The following DCP1B variants were observed in gnomAD, a reference collection of about 807,000 sequenced individuals.
DCP1B encodes the protein mRNA-decapping enzyme 1B.
In DCP1B, 47 loss-of-function variants were observed where a neutral mutation model predicts 60.5. That is an observed-to-expected ratio of 0.78 (90% confidence interval 0.61 to 0.99). DCP1B has a LOEUF of 0.99. Among genes scored for constraint, DCP1B ranks in the 50% least tolerant of loss-of-function variants. The pLI is 0.00. For synonymous variants in DCP1B, 267 were observed against 280.3 expected (o/e 0.95, Z 0.47); for missense variants, 725 against 756.8 (o/e 0.96, Z 0.49).
chr12:1,993,237 C>T (rs140441717), intron 3 of DCP1B, 27 bp downstream of exon 3: 5 of 1,613,894 alleles, frequency 3.1e-6, no homozygotes, highest in Non-Finnish European at 4.2e-6. Context: ...AGAAGTAAAA[C>T]AACCCACTGT....
rs114265073 is a variant in DCP1B, at chr12:1,993,883, A to C, written c.192-492T>G. 1.4e-3 allele frequency among the ~76,000 whole-genome samples: 217 copies of C among 152,306 alleles called. 1 individual carries two copies. The highest frequency in any genetic ancestry group is 5.0e-3 in the African/African-American group (208 of 41,562). On this transcript the variant is annotated intron_variant, in intron 2 of 8. Transcript: ENST00000280665. ...TTAGTCTGAAATTGAAGCCTGCAAA[A>C]TCTCTTAGTGATATGAAGCAACTCT...
Position 1,950,361 on chromosome 12 carries a change from C to T in DCP1B, c.1525-1027G>A, listed in dbSNP as rs935105213. 3.6e-5 allele frequency: 25 copies of T among 702,198 alleles called. No individual in the cohort carries two copies. In the African/African-American group the frequency reaches 4.4e-4, roughly 12 times the overall value. The allele number at this position is 702,198 out of a possible 1,614,324, so 43.5% of individuals were successfully genotyped here. A position where few individuals can be genotyped will look rare whatever the true frequency, so the allele number is the denominator to read the frequency against. ...AAATGCTTGCCTTTCTCACTCGGCT[C>T]TTGATATTTGTGAGTACTGAAAAGT... On this transcript the variant is annotated intron_variant, in intron 7 of 8. Coordinates refer to ENST00000280665, the MANE Select transcript of DCP1B (RefSeq NM_152640.5).
chr12:1,963,742 C>A (rs1198551153), intron 5 of DCP1B, among the ~76,000 whole-genome samples: 1 of 152,082 alleles, frequency 6.6e-6, no homozygotes, highest in Non-Finnish European at 1.5e-5. Flanking sequence ...GCCCTGACAC[C>A]TTCTGGAAGG....
rs745347717 is a variant in DCP1B, at chr12:1,952,775, T to C, written c.1165A>G (p.Thr389Ala). 1.2e-6 allele frequency: 2 copies of C among 1,614,176 alleles called. No individual in the cohort carries two copies. The highest frequency in any genetic ancestry group is 1.7e-6 in the Non-Finnish European group (2 of 1,180,018). The stretch of plus-strand genomic sequence containing the variant: ...CCTGGAGCCACAGGGGTGACAGAAG[T>C]GGGAGCTCTGCTGCGGTTCAGGGCA... ...SAALNRSRAPTSVTPVAPGKG... is the reference protein window; with the variant it reads ...SAALNRSRAPASVTPVAPGKG... The change falls in exon 7 of 9, where the codon ACT becomes GCT. Residue 389 changes from threonine (T) to alanine (A), a missense_variant. By Grantham distance (58) the Thr-to-Ala change is moderately conservative. Coordinates refer to ENST00000280665, the MANE Select transcript of DCP1B (RefSeq NM_152640.5).
chr12:1,974,799 T>C (rs545948657), intron 3 of DCP1B, among the ~76,000 whole-genome samples: 4 of 152,202 alleles, frequency 2.6e-5, no homozygotes, highest in Non-Finnish European at 5.9e-5. Flanking sequence ...ACTATCACCA[T>C]AAGTGAATCT....
At chr12:1,949,049 G>A (rs113430500) in intron 8 of DCP1B, 37 bp downstream of exon 8, 341 of 1,597,094 alleles carry the variant, frequency 2.1e-4, no homozygotes, top group Non-Finnish European at 2.6e-4. Flanking sequence ...GCCAACAGGC[G>A]TGGTCAGGTG....
intron 3 of DCP1B, chr12:1,991,353 AAAAC>A (rs1565848873): frequency 2.4e-6 from 1 of 414,422 alleles, no homozygotes; most frequent in African/African-American, 2.1e-5. Context: ...TAAAATATGA[AAAAC>A]AAATTAAAAT....
intron 5 of DCP1B, among the ~76,000 whole-genome samples, chr12:1,959,673 T>C (rs1393575536): frequency 6.6e-6 from 1 of 152,204 alleles, no homozygotes; most frequent in East Asian, 1.9e-4. Flanking sequence ...GAAAATAGCA[T>C]GTTGGGCCAG....
chr12:1,981,553 G>A (rs1238469187), intron 3 of DCP1B, among the ~76,000 whole-genome samples: 4 of 152,136 alleles, frequency 2.6e-5, no homozygotes, highest in Admixed American at 2.6e-4. Flanking sequence ...CTCAGATTTA[G>A]CATGTTATTT....
chr12:1,958,947 T>C (rs1439351480), intron 5 of DCP1B, among the ~76,000 whole-genome samples: 37 of 118,804 alleles, frequency 3.1e-4, no homozygotes, highest in East Asian at 7.7e-4. Context: ...ATAAACCTCC[T>C]GGAAGGAAAC....
Position 1,971,121 on chromosome 12 carries a change from T to A in DCP1B, c.320-3211A>T, listed in dbSNP as rs753529892. 6.0e-5 allele frequency: 77 copies of A among 1,289,432 alleles called. 1 individual carries two copies. The African/African-American group carries it at 1.1e-3, about 19-fold the overall frequency. 79.9% of individuals were successfully genotyped at this position (1,289,432 alleles called of 1,614,324 possible). A position where few individuals can be genotyped will look rare whatever the true frequency, so the allele number is the denominator to read the frequency against. ...GCATACCAGCCGCTTCCCAGCCACC[T>A]GTCTGCCAACACGGAGGTCAAGTTT... On this transcript the variant is annotated intron_variant, in intron 3 of 8. Transcript: ENST00000280665. This position sits in a 1 kb window ranked among gnomAD's most constrained non-coding sequence, Gnocchi z 4.2.
At chr12:1,986,229 G>A (rs1218827863) in intron 3 of DCP1B, among the ~76,000 whole-genome samples, 1 of 152,190 alleles carries the variant, frequency 6.6e-6, no homozygotes, top group African/African-American at 2.4e-5. Context: ...CCTGGGTTCT[G>A]TTACATGTAT....
intron 7 of DCP1B, 71 bp downstream of exon 7, chr12:1,952,345 T>C (rs1478782175): frequency 6.8e-7 from 1 of 1,479,432 alleles, no homozygotes; most frequent in African/African-American, 1.4e-5. Context: ...GGCTACTTTT[T>C]TTTTTTTTTT....
chr12:1,952,993 C>T lies in DCP1B; in HGVS notation c.947G>A (p.Cys316Tyr), dbSNP rs1313202526. ...CGCAGAATGGGTACTGCCATTTTCA[C>T]AAGGCCGGTTTTCAGGCAGCTCTGA... ...PLSELPENRP[C>Y]ENGSTHSAGE... Residue 316 changes from cysteine to tyrosine, a missense_variant, in exon 7 of 9, where the codon TGT becomes TAT. Transcript: ENST00000280665. The T allele has an allele frequency of 6.2e-7, 1 of 1,614,144 alleles. No homozygotes were observed. Among genetic ancestry groups the T allele is most frequent in the South Asian group, 1.1e-5 (1 of 91,082 alleles).
chr12:2,002,762 T>C (rs2042467466), intron 1 of DCP1B, among the ~76,000 whole-genome samples: 1 of 152,166 alleles, frequency 6.6e-6, no homozygotes, highest in Admixed American at 6.5e-5. Context: ...GATTATAACA[T>C]TATACCTTTA....
intron 3 of DCP1B, among the ~76,000 whole-genome samples, chr12:1,981,713 A>G (rs867624005): frequency 2.0e-5 from 3 of 152,214 alleles, no homozygotes; most frequent in African/African-American, 7.2e-5. Context: ...AGCAAATATA[A>G]GTACAACATA....
intron 2 of DCP1B, among the ~76,000 whole-genome samples, chr12:1,996,634 AAAAAAAAAAAAAAAAAAAAAACAAC>A (rs1172292624): frequency 3.3e-5 from 4 of 122,474 alleles, no homozygotes; most frequent in Non-Finnish European, 5.0e-5. Context: ...AAAAAAAAAA[AAAAAAAAAAAAAAAAAAAAAACAAC>A]AAACTCTTCT....
rs1213195328 is a variant in DCP1B, at chr12:1,952,461, C to T, written c.1479G>A (p.Trp493Ter). The change falls in exon 7 of 9, where the codon TGG becomes TGA. Residue 493 changes from tryptophan (W) to a stop codon, truncating the protein, a stop_gained. Coordinates refer to ENST00000280665, the MANE Select transcript of DCP1B (RefSeq NM_152640.5). LOFTEE classifies it high-confidence loss of function. ...GTTCTGTGTTGGGTGTCTTGTTGATCCAGGATTCCAAGGGTTTCCCTGTTC... is the reference window on the plus strand; with the variant it reads ...GTTCTGTGTTGGGTGTCTTGTTGATTCAGGATTCCAAGGGTTTCCCTGTTC... ...SSGTGKPLES[W>*]INKTPNTEQQ... is the part of the protein sequence containing the mutation. 1 of 1,609,890 alleles carries T rather than the reference C, an allele frequency of 6.2e-7. No homozygotes were observed. The highest frequency in any genetic ancestry group is 8.5e-7 in the Non-Finnish European group (1 of 1,177,134).
chr12:1,987,192 T>C (rs993882173), intron 3 of DCP1B, among the ~76,000 whole-genome samples: 1 of 152,234 alleles, frequency 6.6e-6, no homozygotes, highest in African/African-American at 2.4e-5. Context: ...CTAAGGAAAT[T>C]ATATTCTTGG....
Sources: gnomAD v4.1 joint callset for allele counts (sites outside exome capture counted in the v4.1 genomes callset) on GRCh38, gnomAD v4.1.1 for gene constraint, Gnocchi (gnomAD v3.1) non-coding constraint, MANE v1.5 for transcripts, NCBI Gene and HGNC (gene_info 2026-07-23, HGNC 2026-07-21) for gene names.